SHLD1: variants seen among roughly 807,000 people sequenced by gnomAD.
SHLD1 encodes the protein shieldin complex subunit 1.
In SHLD1, 3 loss-of-function variants were observed where a neutral mutation model predicts 5.5. The observed-to-expected ratio is 0.54, with a 90% confidence interval of 0.25 to 1.40. The LOEUF (loss-of-function observed/expected upper bound fraction) is 1.40, where lower values mean the gene tolerates loss of function less well. SHLD1 is among the 40% of genes most tolerant of loss of function. SHLD1 has a pLI of 0.15. For missense variants in SHLD1, 210 were observed against 244.4 expected, an observed-to-expected ratio of 0.86 and a Z score of 0.94; for synonymous variants, 92 against 94.3, an observed-to-expected ratio of 0.98 and a Z score of 0.14.
At chr20:5,767,626 C>T (rs184414195) in intron 1 of SHLD1, among the ~76,000 whole-genome samples, 2 of 152,318 alleles carry the variant, frequency 1.3e-5, no homozygotes, top group Admixed American at 1.3e-4. Flanking sequence ...TGCGACAAGT[C>T]CACCTGCTAC....
At chr20:5,823,526 T>C (rs1269763666) in intron 2 of SHLD1, among the ~76,000 whole-genome samples, 3 of 151,466 alleles carry the variant, frequency 2.0e-5, no homozygotes, top group African/African-American at 7.3e-5. Context: ...CAGCTCACTA[T>C]AACCTCTGCC....
intron 2 of SHLD1, among the ~76,000 whole-genome samples, chr20:5,856,860 A>G (rs1487339398): frequency 6.6e-6 from 1 of 152,264 alleles, no homozygotes; most frequent in Non-Finnish European, 1.5e-5. Flanking sequence ...GGTTGCAAAA[A>G]GTTACGTAAT....
intron 2 of SHLD1, among the ~76,000 whole-genome samples, chr20:5,848,431 A>ATGC (rs1255915997): frequency 6.6e-6 from 1 of 152,200 alleles, no homozygotes; most frequent in Non-Finnish European, 1.5e-5. Context: ...AGGCACAAGA[A>ATGC]TCACTTGAAC....
intron 2 of SHLD1, among the ~76,000 whole-genome samples, chr20:5,780,869 G>A (rs770861688): frequency 3.3e-5 from 5 of 152,130 alleles, no homozygotes; most frequent in East Asian, 1.9e-4. Context: ...CTGGATGGAC[G>A]CTTCTCTGTC....
chr20:5,825,223 A>G (rs941574979), intron 2 of SHLD1, among the ~76,000 whole-genome samples: 3 of 152,202 alleles, frequency 2.0e-5, no homozygotes, highest in Non-Finnish European at 4.4e-5. Flanking sequence ...ATTCTGTCTC[A>G]TCCTGTCTTT....
At chr20:5,845,710 TTTACAGA>T (rs2087925247) in intron 2 of SHLD1, among the ~76,000 whole-genome samples, 1 of 152,178 alleles carries the variant, frequency 6.6e-6, no homozygotes, top group South Asian at 2.1e-4. Context: ...ACCTACATTA[TTTACAGA>T]TTTCACTCCT....
chr20:5,812,961 A>G (rs1384453498), intron 2 of SHLD1, among the ~76,000 whole-genome samples: 1 of 151,820 alleles, frequency 6.6e-6, no homozygotes. Context: ...CACAGCCTCA[A>G]CCTCCCAGGC....
At chr20:5,819,194 G>A (rs779973252) in intron 2 of SHLD1, among the ~76,000 whole-genome samples, 1 of 151,962 alleles carries the variant, frequency 6.6e-6, no homozygotes, top group African/African-American at 2.4e-5. Flanking sequence ...CCCACTCCTC[G>A]GTCTGAGCAC....
intron 2 of SHLD1, among the ~76,000 whole-genome samples, chr20:5,853,288 A>G (rs2088035297): frequency 6.6e-6 from 1 of 152,124 alleles, no homozygotes; most frequent in Non-Finnish European, 1.5e-5. Flanking sequence ...TCTACTAAAA[A>G]TACAAAAATT....
Position 5,750,465 on chromosome 20 carries a change from T to A in SHLD1, c.-19T>A. ...GGCTTTTCTCCTCAGTTTTCTGGAG[T>A]GCTTTGGAGGAGAGGTAAGCGCGGG... On this transcript the variant is annotated 5_prime_UTR_variant, in exon 1 of 3. Coordinates refer to ENST00000303142, the MANE Select transcript of SHLD1 (RefSeq NM_152504.4). 1 of 112,082 alleles carries A rather than the reference T, an allele frequency of 8.9e-6. No homozygotes were observed. Among genetic ancestry groups the A allele is most frequent in the Non-Finnish European group, 1.7e-5 (1 of 57,628 alleles). 6.9% of individuals were successfully genotyped at this position (112,082 alleles called of 1,614,324 possible). A position where few individuals can be genotyped will look rare whatever the true frequency, so the allele number is the denominator to read the frequency against.
chr20:5,831,330 C>T (rs1332305807), intron 2 of SHLD1, among the ~76,000 whole-genome samples: 1 of 152,236 alleles, frequency 6.6e-6, no homozygotes, highest in Admixed American at 6.5e-5. Flanking sequence ...TTTCTTGGCT[C>T]AGTGAAGTCT....
chr20:5,826,297 A>G (rs1181301764), intron 2 of SHLD1, among the ~76,000 whole-genome samples: 1 of 152,158 alleles, frequency 6.6e-6, no homozygotes, highest in African/African-American at 2.4e-5. Context: ...TCCCATATTG[A>G]AATAGCTATT....
chr20:5,863,589 G>T lies in SHLD1; in HGVS notation c.*126G>T. On this transcript the variant is annotated 3_prime_UTR_variant, in exon 3 of 3. Coordinates refer to ENST00000303142, the MANE Select transcript of SHLD1 (RefSeq NM_152504.4). ...GTGCCCAATCCCAATTAAGTGCTTT[G>T]AGGTTAAAGGCTGGCACCTGTGACC... 1.0e-6 allele frequency: 1 copy of T among 957,146 alleles called. No individual in the cohort carries two copies. The allele number at this position is 957,146 out of a possible 1,614,324, so 59.3% of individuals were successfully genotyped here.
At chr20:5,838,817 A>AG (rs2087820520) in intron 2 of SHLD1, among the ~76,000 whole-genome samples, 1 of 152,240 alleles carries the variant, frequency 6.6e-6, no homozygotes, top group African/African-American at 2.4e-5. Flanking sequence ...ATAAATTTTA[A>AG]GCAGCCCTGC....
chr20:5,758,620 C>T (rs1984276400), intron 1 of SHLD1, among the ~76,000 whole-genome samples: 1 of 151,926 alleles, frequency 6.6e-6, no homozygotes, highest in African/African-American at 2.4e-5. Context: ...GGGGTTTCAC[C>T]ATGTTGGTCA....
chr20:5,763,946 T>TAAAAAAAA (rs1233102331), intron 1 of SHLD1, among the ~76,000 whole-genome samples: 27 of 70,146 alleles, frequency 3.8e-4, no homozygotes, highest in Non-Finnish European at 5.2e-4. Flanking sequence ...CCGTCTTTAC[T>TAAAAAAAA]AAAAAAAAAA....
chr20:5,831,693 G>T (rs1427787736), intron 2 of SHLD1, among the ~76,000 whole-genome samples: 2 of 152,076 alleles, frequency 1.3e-5, no homozygotes, highest in Non-Finnish European at 2.9e-5. Context: ...TGCTTCCCTG[G>T]AGTTGTCTCC....
At chr20:5,769,621 G>A (rs1015822219) in intron 1 of SHLD1, among the ~76,000 whole-genome samples, 25 of 152,298 alleles carry the variant, frequency 1.6e-4, no homozygotes, top group Admixed American at 7.8e-4. Context: ...AAAATATACT[G>A]TAATATAAGT....
chr20:5,756,818 G>T, intron 1 of SHLD1: 1 of 273,684 alleles, frequency 3.7e-6, no homozygotes. Context: ...ACAGGCGTAA[G>T]CCACCACATC....
Sources: gnomAD v4.1 joint callset for allele counts (sites outside exome capture counted in the v4.1 genomes callset) on GRCh38, gnomAD v4.1.1 for gene constraint, MANE v1.5 for transcripts, NCBI Gene and HGNC (gene_info 2026-07-23, HGNC 2026-07-21) for gene names.